The following B3GALNT2 variants were observed in gnomAD, a reference collection of about 807,000 sequenced individuals.
B3GALNT2 encodes beta-1,3-N-acetylgalactosaminyltransferase 2, also known as UDP-GalNAc:beta-1,3-N-acetylgalactosaminyltransferase 2.
B3GALNT2 carries 53 observed loss-of-function variants against 61.1 expected under a neutral mutation model. That is an observed-to-expected ratio of 0.87 (90% CI 0.70 to 1.09). The LOEUF (loss-of-function observed/expected upper bound fraction) is 1.09. B3GALNT2 is among the 50% of genes least tolerant of loss of function. The probability of loss-of-function intolerance (pLI) is 0.00; values close to 1 mark genes in which losing one functional copy is unlikely to be tolerated. For missense variants in B3GALNT2, 544 were observed against 623.0 expected (o/e 0.87, Z 1.35); for synonymous variants, 223 against 237.4 (o/e 0.94, Z 0.56).
At chr1:235,501,435 C>T (rs1685577619) in intron 1 of B3GALNT2, among the ~76,000 whole-genome samples, 1 of 152,222 alleles carries the variant, frequency 6.6e-6, no homozygotes, top group African/African-American at 2.4e-5. Context: ...CTATTTAAAA[C>T]CATCTCTTTA....
intron 1 of B3GALNT2, among the ~76,000 whole-genome samples, chr1:235,495,521 A>C (rs1685278041): frequency 6.6e-6 from 1 of 152,108 alleles, no homozygotes; most frequent in Non-Finnish European, 1.5e-5. Context: ...GAATGACGGG[A>C]AAGCAACACT....
chr1:235,475,913 A>G (rs1222367861), intron 5 of B3GALNT2, among the ~76,000 whole-genome samples: 1 of 152,016 alleles, frequency 6.6e-6, no homozygotes, highest in Non-Finnish European at 1.5e-5. Context: ...GTCGTCTCAA[A>G]CTCATGGGCT....
intron 6 of B3GALNT2, among the ~76,000 whole-genome samples, chr1:235,468,482 C>T (rs1400125449): frequency 7.9e-6 from 1 of 126,962 alleles, no homozygotes; most frequent in African/African-American, 3.0e-5. Context: ...GCGACGGAGT[C>T]TCGCACTGTA....
rs555848948 is a variant in B3GALNT2, at chr1:235,459,979, A to G, written c.842-1193T>C. 3.9e-5 allele frequency among the ~76,000 whole-genome samples: 6 copies of G among 152,192 alleles called. 1 individual carries two copies. In the South Asian group the frequency reaches 1.2e-3, roughly 32 times the overall value. ...CGGCTAATTTTTGTATTTTTAGTAG[A>G]GACGGAGTTTCACCATGTTGGCCAG... On this transcript the variant is annotated intron_variant, in intron 7 of 11. Coordinates refer to ENST00000366600, the MANE Select transcript of B3GALNT2 (RefSeq NM_152490.5).
chr1:235,474,981 A>ATTTTT (rs1558425458), intron 5 of B3GALNT2, among the ~76,000 whole-genome samples: 2 of 37,468 alleles, frequency 5.3e-5, no homozygotes, highest in East Asian at 7.3e-4. Flanking sequence ...ATATATATAT[A>ATTTTT]TATATATTTT....
intron 1 of B3GALNT2, among the ~76,000 whole-genome samples, chr1:235,502,588 T>C (rs1209885217): frequency 6.6e-6 from 1 of 152,244 alleles, no homozygotes; most frequent in Non-Finnish European, 1.5e-5. Context: ...GTCTAACTAC[T>C]GGATGGCAGA....
the B3GALNT2 span, chr1:235,441,889 A>T: frequency 4.0e-5 from 64 of 1,613,266 alleles, no homozygotes; most frequent in Non-Finnish European, 5.3e-5. Context: ...CTAAGTAAGA[A>T]TCTCAGATTC....
At chr1:235,494,964 AT>A in intron 1 of B3GALNT2, 136 bp from the exon 2 acceptor site, 1 of 931,890 alleles carries the variant, frequency 1.1e-6, no homozygotes, top group Non-Finnish European at 1.5e-6. Flanking sequence ...GAATTTTTAA[AT>A]CACATATGAA....
At chr1:235,502,283 G>C (rs1004565544) in intron 1 of B3GALNT2, among the ~76,000 whole-genome samples, 1 of 152,224 alleles carries the variant, frequency 6.6e-6, no homozygotes, top group African/African-American at 2.4e-5. Flanking sequence ...AAAGTGTTGG[G>C]ATTACAGGCG....
At chr1:235,453,658 G>A (rs376200172) in intron 10 of B3GALNT2, among the ~76,000 whole-genome samples, 4 of 152,226 alleles carry the variant, frequency 2.6e-5, no homozygotes, top group African/African-American at 7.2e-5. Flanking sequence ...TGTTGGCCAG[G>A]CTGGTTTTGA....
chr1:235,480,264 C>CCGTGGTTAG, intron 4 of B3GALNT2, 115 bp from the exon 5 acceptor site: 1 of 1,441,870 alleles, frequency 6.9e-7, no homozygotes, highest in Non-Finnish European at 9.3e-7. Flanking sequence ...GCCCTAACCA[C>CCGTGGTTAG]GGTCACTAAC....
In B3GALNT2 at chr1:235,458,760, G is replaced by A. The variant is rs1164997207; in HGVS notation, c.868C>T (p.His290Tyr). 1.2e-6 allele frequency: 2 copies of A among 1,600,902 alleles called. No individual in the cohort carries two copies. Among genetic ancestry groups the A allele is most frequent in the East Asian group, 4.5e-5 (2 of 44,698 alleles). ...TCAATAAGTCTTTGAGGGCGAGAAT[G>A]AAGGTTGTGTAAGAGAGCATCACCT... The part of the protein sequence containing the change: ...QEGDALLHNL[H>Y]SRPQRLIDHI... Residue 290 changes from histidine (H) to tyrosine (Y), a missense_variant, in exon 8 of 12, where the codon CAT becomes TAT. By Grantham distance (83) the His-to-Tyr change is moderately conservative. Transcript: ENST00000366600.
At chr1:235,489,146 G>C (rs776519975) in intron 3 of B3GALNT2, 22 bp downstream of exon 3, 1 of 1,612,792 alleles carries the variant, frequency 6.2e-7, no homozygotes, top group Non-Finnish European at 8.5e-7. Flanking sequence ...GTGTATGGCA[G>C]TCAAGGGAAA....
chr1:235,453,853 C>T (rs1463604950), intron 10 of B3GALNT2, among the ~76,000 whole-genome samples: 1 of 152,078 alleles, frequency 6.6e-6, no homozygotes, highest in African/African-American at 2.4e-5. Context: ...AGGGGTGCAT[C>T]CTTAACCTTT....
chr1:235,474,613 A>C (rs1684150011), intron 5 of B3GALNT2, among the ~76,000 whole-genome samples: 1 of 152,130 alleles, frequency 6.6e-6, no homozygotes, highest in Non-Finnish European at 1.5e-5. Flanking sequence ...TGAGGTCAGG[A>C]GTTCAAAACC....
the B3GALNT2 span, among the ~76,000 whole-genome samples, chr1:235,440,400 A>AT: frequency 1.3e-5 from 2 of 151,420 alleles, no homozygotes; most frequent in Admixed American, 1.3e-4. Flanking sequence ...GTATATATAT[A>AT]TATTTTTTTG....
At chr1:235,451,931 A>G (rs1230889948) in intron 11 of B3GALNT2, 1 of 152,114 alleles carries the variant, frequency 6.6e-6, no homozygotes, top group African/African-American at 2.4e-5. Context: ...ATGATGTCTT[A>G]TATTTCATGC....
chr1:235,451,322 A>G (rs1193600160), intron 11 of B3GALNT2: 1 of 152,184 alleles, frequency 6.6e-6, no homozygotes, highest in East Asian at 1.9e-4. Flanking sequence ...CAGTCTGTGT[A>G]AGCCCAACAG....
chr1:235,470,833 A>T lies in B3GALNT2; in HGVS notation c.762+17T>A. The T allele has an allele frequency of 1.9e-6, 3 of 1,596,550 alleles. No homozygotes were observed. The highest frequency in any genetic ancestry group is 1.4e-5 in the African/African-American group (1 of 73,870). On this transcript the variant is annotated intron_variant, in intron 6 of 11. Transcript: ENST00000366600. ...AAGCTAAAATATGCAATTAAACCTT[A>T]AAAAAAAACGACTTACTGTAATGAC...
Sources: allele counts gnomAD v4.1 joint callset (sites outside exome capture counted in the v4.1 genomes callset), GRCh38; gene constraint gnomAD v4.1.1; transcripts MANE v1.5; gene names NCBI Gene and HGNC (gene_info 2026-07-23, HGNC 2026-07-21).